The following LRP1B variants were observed in gnomAD, a reference collection of about 807,000 sequenced individuals.
LRP1B encodes low-density lipoprotein receptor-related protein 1B.
In LRP1B, 217 loss-of-function variants were observed where a neutral mutation model predicts 556.6. The observed-to-expected ratio is 0.39, with a 90% CI of 0.35 to 0.44. The LOEUF (loss-of-function observed/expected upper bound fraction) is 0.44, where lower values mean the gene tolerates loss of function less well. LRP1B is among the 20% of genes least tolerant of loss of function. LRP1B has a pLI of 1.00. For synonymous variants in LRP1B, 2,047 were observed against 1,865.8 expected (o/e 1.10, Z -2.50); for missense variants, 5,053 against 5,620.8 (o/e 0.90, Z 3.23).
intron 3 of LRP1B, among the ~76,000 whole-genome samples, chr2:141,263,234 C>T (rs1237949063): frequency 6.6e-6 from 1 of 151,842 alleles, no homozygotes; most frequent in Non-Finnish European, 1.5e-5. Flanking sequence ...TATCATGTGA[C>T]CTTGCTAAAC....
intron 66 of LRP1B, among the ~76,000 whole-genome samples, chr2:140,442,188 A>G (rs1200929116): frequency 6.6e-6 from 1 of 152,078 alleles, no homozygotes; most frequent in African/African-American, 2.4e-5. Flanking sequence ...GTGTTTCCTT[A>G]TTTCTGTTCA....
intron 6 of LRP1B, among the ~76,000 whole-genome samples, chr2:141,226,498 G>A (rs190740975): frequency 0.014 from 2,182 of 152,118 alleles, 29 homozygotes; most frequent in Non-Finnish European, 0.022. Context: ...TCTTCTCATA[G>A]CAATCCTTTG....
chr2:141,773,449 G>A (rs1208422503), intron 2 of LRP1B, among the ~76,000 whole-genome samples: 1 of 152,192 alleles, frequency 6.6e-6, no homozygotes, highest in Non-Finnish European at 1.5e-5. Context: ...GAAAAGTCAA[G>A]AATCTTAAAG....
chr2:141,088,391 A>T (rs1335713905), intron 7 of LRP1B, among the ~76,000 whole-genome samples: 1 of 152,188 alleles, frequency 6.6e-6, no homozygotes, highest in Non-Finnish European at 1.5e-5. Context: ...CAAACCCTAA[A>T]AAGTGAAATA....
intron 1 of LRP1B, among the ~76,000 whole-genome samples, chr2:141,890,390 A>ATAT (rs375936846): frequency 2.9e-5 from 4 of 135,966 alleles, no homozygotes; most frequent in Non-Finnish European, 6.2e-5. Flanking sequence ...ATACATATAT[A>ATAT]GTGTATATAT....
chr2:140,535,310 AT>A (rs1301776981), intron 46 of LRP1B, among the ~76,000 whole-genome samples: 4 of 152,290 alleles, frequency 2.6e-5, no homozygotes, highest in Admixed American at 6.6e-5. Context: ...TTGCAATACA[AT>A]TTATATGCTT....
intron 20 of LRP1B, among the ~76,000 whole-genome samples, chr2:140,932,461 G>T (rs564091801): frequency 1.2e-4 from 14 of 119,774 alleles, no homozygotes; most frequent in Admixed American, 6.4e-4. Context: ...GTTGCAACAG[G>T]CAAAGCCTAA....
At chr2:141,884,615 T>C (rs1699053680) in intron 1 of LRP1B, among the ~76,000 whole-genome samples, 1 of 152,220 alleles carries the variant, frequency 6.6e-6, no homozygotes, top group Admixed American at 6.5e-5. Context: ...TCATCGACTT[T>C]ATCTCAGAAT....
At chr2:140,623,590 C>G (rs1328731839) in intron 41 of LRP1B, among the ~76,000 whole-genome samples, 1 of 152,008 alleles carries the variant, frequency 6.6e-6, no homozygotes. Flanking sequence ...GATTATGCTA[C>G]TATAAAGAAC....
At chr2:141,792,093 C>T (rs77972910) in intron 2 of LRP1B, among the ~76,000 whole-genome samples, 1,625 of 151,446 alleles carry the variant, frequency 0.011, 35 homozygotes, top group African/African-American at 0.038. Context: ...TAAAAAAATT[C>T]CACCTCCTCA....
intron 75 of LRP1B, among the ~76,000 whole-genome samples, chr2:140,355,045 T>C (rs909401879): frequency 2.0e-5 from 3 of 151,742 alleles, no homozygotes; most frequent in Non-Finnish European, 4.4e-5. Flanking sequence ...GAACATTTTA[T>C]TAGAGTTCAG....
chr2:141,292,163 G>C (rs547280569), intron 3 of LRP1B, among the ~76,000 whole-genome samples: 1 of 152,128 alleles, frequency 6.6e-6, no homozygotes, highest in African/African-American at 2.4e-5. Flanking sequence ...GAGGGATCTA[G>C]GTTGTGCGCT....
At chr2:140,886,073 C>T (rs141850523) in intron 24 of LRP1B, 65 bp downstream of exon 24, 58 of 986,742 alleles carry the variant, frequency 5.9e-5, no homozygotes, top group East Asian at 1.1e-4. Context: ...CTAGTTATAA[C>T]GTGTTCTTTG....
rs1685782118 is a variant in LRP1B at position 140,679,310 on chromosome 2, G to T, written c.6799+20940C>A. 3.3e-5 allele frequency among the ~76,000 whole-genome samples: 5 copies of T among 152,156 alleles called. No homozygotes were observed. The South Asian group carries it at 8.3e-4, about 25-fold the overall frequency. ...ACTAGAACTTCAATATATCAATTTAGAGGACTATAATTCAGCTCATAACAA... is the reference window on the plus strand; with the variant it reads ...ACTAGAACTTCAATATATCAATTTATAGGACTATAATTCAGCTCATAACAA... On this transcript the variant is annotated intron_variant, in intron 41 of 90. Transcript: ENST00000389484.
chr2:141,955,489 G>A (rs542268290), intron 1 of LRP1B, among the ~76,000 whole-genome samples: 5 of 152,100 alleles, frequency 3.3e-5, no homozygotes, highest in African/African-American at 1.2e-4. Context: ...GTATAAATGT[G>A]TACATTAAAG....
intron 80 of LRP1B, 84 bp from the exon 81 acceptor site, chr2:140,324,150 AAACCT>A: frequency 1.3e-6 from 1 of 789,234 alleles, no homozygotes; most frequent in African/African-American, 1.7e-5. Flanking sequence ...ACGATATTGA[AAACCT>A]TATTACTGTT....
chr2:140,668,877 G>C (rs1389860441), intron 41 of LRP1B, among the ~76,000 whole-genome samples: 2 of 152,124 alleles, frequency 1.3e-5, no homozygotes, highest in Non-Finnish European at 2.9e-5. Flanking sequence ...TCTCACAAGA[G>C]AAAATGTAAA....
At chr2:141,881,820 G>A (rs541322751) in intron 1 of LRP1B, among the ~76,000 whole-genome samples, 3 of 152,210 alleles carry the variant, frequency 2.0e-5, no homozygotes, top group Admixed American at 2.0e-4. Flanking sequence ...CTAGAAATCA[G>A]TTTACTAACA....
intron 1 of LRP1B, among the ~76,000 whole-genome samples, chr2:142,060,321 C>T (rs540372551): frequency 1.3e-5 from 2 of 152,022 alleles, no homozygotes; most frequent in South Asian, 4.2e-4. Context: ...TACTGGGTGT[C>T]AAAGGTGCTC....
Sources: gnomAD v4.1 joint callset for allele counts (sites outside exome capture counted in the v4.1 genomes callset) on GRCh38, gnomAD v4.1.1 for gene constraint, MANE v1.5 for transcripts, NCBI Gene and HGNC (gene_info 2026-07-23, HGNC 2026-07-21) for gene names.